The following AGBL4 variants were observed in gnomAD, a reference collection of about 807,000 sequenced individuals.
AGBL4 encodes cytosolic carboxypeptidase 6.
A neutral mutation model predicts 66.4 loss-of-function variants in AGBL4; 58 were observed. The observed-to-expected ratio is 0.87, with a 90% confidence interval of 0.71 to 1.09. The LOEUF is 1.09. AGBL4 is among the 50% of genes least tolerant of loss of function. The probability of loss-of-function intolerance (pLI) is 0.00; values close to 1 mark genes in which losing one functional copy is unlikely to be tolerated. For missense variants in AGBL4, 579 were observed against 631.0 expected, an observed-to-expected ratio of 0.92 and a Z score of 0.88; for synonymous variants, 234 against 222.9, an observed-to-expected ratio of 1.05 and a Z score of -0.44.
chr1:49,574,515 T>C (rs188436688), intron 3 of AGBL4, among the ~76,000 whole-genome samples: 6 of 152,274 alleles, frequency 3.9e-5, no homozygotes, highest in Middle Eastern at 3.4e-3. Flanking sequence ...TCATTCCAGC[T>C]GAGAGGATCC....
intron 3 of AGBL4, among the ~76,000 whole-genome samples, chr1:49,403,677 G>A (rs1209329080): frequency 6.6e-6 from 1 of 152,176 alleles, no homozygotes; most frequent in Non-Finnish European, 1.5e-5. Flanking sequence ...GGGCATTGAA[G>A]AGTTTGGTAT....
intron 6 of AGBL4, among the ~76,000 whole-genome samples, chr1:48,841,227 A>G (rs184090572): frequency 1.3e-5 from 2 of 152,222 alleles, no homozygotes; most frequent in Admixed American, 1.3e-4. Context: ...AAAATTCATA[A>G]AGCTGTATAT....
chr1:48,958,551 C>T (rs943068375), intron 5 of AGBL4, among the ~76,000 whole-genome samples: 1 of 152,224 alleles, frequency 6.6e-6, no homozygotes, highest in Admixed American at 6.5e-5. Context: ...AGAAACCTGG[C>T]CCCTGAATCA....
At chr1:49,511,751 A>G (rs1649285465) in intron 3 of AGBL4, among the ~76,000 whole-genome samples, 1 of 151,956 alleles carries the variant, frequency 6.6e-6, no homozygotes, top group Non-Finnish European at 1.5e-5. Flanking sequence ...CTTGGATTCC[A>G]ATCACAAACC....
At chr1:49,037,638 TCAAGTA>T (rs2149044756) in intron 5 of AGBL4, among the ~76,000 whole-genome samples, 1 of 152,214 alleles carries the variant, frequency 6.6e-6, no homozygotes, top group South Asian at 2.1e-4. Flanking sequence ...TGTTTGATAC[TCAAGTA>T]AAGATGCCTC....
At position 49,465,210 on chromosome 1, in the gene AGBL4, TACACACACACACACACAC is replaced by T. The variant is rs3054630; in HGVS notation, c.283-219364_283-219347del. On this transcript the variant is annotated intron_variant, in intron 3 of 13. Transcript: ENST00000371839. ...CTGTATTCCCTACCCTACCCCTACA[TACACACACACACACACAC>T]ACACACACACACACACACACACACA... 7.6e-4 allele frequency among the ~76,000 whole-genome samples: 89 copies of T among 116,836 alleles called. No homozygotes were observed. In the Middle Eastern group the frequency reaches 0.015, roughly 19 times the overall value. 76.6% of individuals were successfully genotyped at this position (116,836 alleles called of 152,430 possible).
At chr1:49,842,859 C>A (rs1375610216) in intron 2 of AGBL4, among the ~76,000 whole-genome samples, 1 of 152,142 alleles carries the variant, frequency 6.6e-6, no homozygotes, top group Non-Finnish European at 1.5e-5. Flanking sequence ...ACAGCAGGTG[C>A]AAAGGCCTGA....
intron 3 of AGBL4, among the ~76,000 whole-genome samples, chr1:49,392,594 G>A (rs1644874257): frequency 6.6e-6 from 1 of 152,184 alleles, no homozygotes; most frequent in Admixed American, 6.5e-5. Flanking sequence ...AGTCACATTA[G>A]CCACATTCGA....
chr1:49,270,657 C>T (rs1644037297), intron 3 of AGBL4, among the ~76,000 whole-genome samples: 1 of 152,008 alleles, frequency 6.6e-6, no homozygotes, highest in Non-Finnish European at 1.5e-5. Context: ...TTTAGGATTG[C>T]CTCTTCTATT....
At chr1:49,500,893 C>T (rs551673842) in intron 3 of AGBL4, among the ~76,000 whole-genome samples, 1 of 151,936 alleles carries the variant, frequency 6.6e-6, no homozygotes, top group South Asian at 2.1e-4. Context: ...TTTTAGGATT[C>T]AGTTATCTAG....
rs368913278 is a variant in AGBL4, at chr1:49,208,606, C to T, written c.377+37164G>A. 3.7e-4 allele frequency among the ~76,000 whole-genome samples: 56 copies of T among 152,210 alleles called. 1 individual carries two copies. The South Asian group carries it at 9.5e-3, about 26-fold the overall frequency. On this transcript the variant is annotated intron_variant, in intron 4 of 13. Coordinates refer to ENST00000371839, the MANE Select transcript of AGBL4 (RefSeq NM_032785.4). ...ATGCATTCTTGGTTGTTGTCTAACACAGAGGGGATCCAAGAATTTACTTCA... is the reference window on the plus strand; with the variant it reads ...ATGCATTCTTGGTTGTTGTCTAACATAGAGGGGATCCAAGAATTTACTTCA...
chr1:49,707,755 C>A (rs1647323882), intron 2 of AGBL4, among the ~76,000 whole-genome samples: 1 of 152,032 alleles, frequency 6.6e-6, no homozygotes, highest in South Asian at 2.1e-4. Context: ...CTGGTGGTGA[C>A]AAAATTCCTC....
At chr1:48,882,190 A>G (rs1649859055) in intron 5 of AGBL4, among the ~76,000 whole-genome samples, 1 of 152,184 alleles carries the variant, frequency 6.6e-6, no homozygotes, top group Non-Finnish European at 1.5e-5. Flanking sequence ...AGACTAATAC[A>G]CTACCTAATG....
chr1:49,941,956 T>C (rs1355183256), intron 1 of AGBL4, among the ~76,000 whole-genome samples: 1 of 152,046 alleles, frequency 6.6e-6, no homozygotes, highest in African/African-American at 2.4e-5. Context: ...ATCTTTTACA[T>C]AGAAAACCCT....
At chr1:49,406,457 C>T (rs543303319) in intron 3 of AGBL4, among the ~76,000 whole-genome samples, 51 of 152,138 alleles carry the variant, frequency 3.4e-4, no homozygotes, top group African/African-American at 1.2e-3. Flanking sequence ...TTCGTTGAAG[C>T]ATTATTTATA....
chr1:49,273,036 A>G (rs1293455948), intron 3 of AGBL4, among the ~76,000 whole-genome samples: 2 of 152,174 alleles, frequency 1.3e-5, no homozygotes, highest in Admixed American at 1.3e-4. Context: ...TCAAATACTT[A>G]ATTTGTCTGT....
intron 3 of AGBL4, among the ~76,000 whole-genome samples, chr1:49,566,895 G>A (rs1479474016): frequency 4.6e-5 from 7 of 152,216 alleles, no homozygotes; most frequent in Admixed American, 4.6e-4. Context: ...GCCCCCAGAG[G>A]TGGAGCCTAC....
intron 6 of AGBL4, among the ~76,000 whole-genome samples, chr1:48,792,410 T>C (rs1344535985): frequency 6.6e-6 from 1 of 152,162 alleles, no homozygotes; most frequent in East Asian, 1.9e-4. Flanking sequence ...AGGAAACCAA[T>C]AGAATTGGGA....
intron 3 of AGBL4, among the ~76,000 whole-genome samples, chr1:49,450,449 A>T (rs572324231): frequency 6.6e-5 from 10 of 152,104 alleles, no homozygotes; most frequent in Non-Finnish European, 1.0e-4. Context: ...CTCTAGATTG[A>T]CTACAAAGCC....
Sources: gnomAD v4.1 joint callset for allele counts (sites outside exome capture counted in the v4.1 genomes callset) on GRCh38, gnomAD v4.1.1 for gene constraint, MANE v1.5 for transcripts, NCBI Gene and HGNC (gene_info 2026-07-23, HGNC 2026-07-21) for gene names.